Variants in WDR72 observed in about 807,000 individuals in gnomAD.
WDR72 encodes the protein WD repeat-containing protein 72.
In WDR72, 120 loss-of-function variants were observed where a neutral mutation model predicts 124.2. The ratio of observed to expected loss-of-function variants is 0.97; its 90% CI spans 0.83 to 1.12. The LOEUF is 1.12. Ranked by LOEUF, WDR72 falls within the 50% of genes most tolerant of loss-of-function variation. WDR72 has a pLI of 0.00. For missense variants in WDR72, 1,387 were observed against 1,278.8 expected, an observed-to-expected ratio of 1.08 and a Z score of -1.29; for synonymous variants, 452 against 441.7, an observed-to-expected ratio of 1.02 and a Z score of -0.29.
intron 9 of WDR72, among the ~76,000 whole-genome samples, chr15:53,707,660 AT>A (rs2017420551): frequency 6.6e-6 from 1 of 151,974 alleles, no homozygotes; most frequent in African/African-American, 2.4e-5. Context: ...GTTAGCCAGG[AT>A]GGTCTCAATC....
At chr15:53,694,943 T>C (rs971389698) in intron 13 of WDR72, among the ~76,000 whole-genome samples, 1 of 152,152 alleles carries the variant, frequency 6.6e-6, no homozygotes, top group Non-Finnish European at 1.5e-5. Flanking sequence ...TAAAGTTTTA[T>C]TGGAACACAG....
chr15:53,577,519 A>C (rs927507258), intron 18 of WDR72, among the ~76,000 whole-genome samples: 18 of 152,158 alleles, frequency 1.2e-4, no homozygotes, highest in Non-Finnish European at 2.2e-4. Context: ...AACCTTTTAG[A>C]AAACTGGCTG....
Position 53,663,101 on chromosome 15 carries a change from A to C in WDR72, c.1962+2471T>G, listed in dbSNP as rs912136726. On this transcript the variant is annotated intron_variant, in intron 14 of 19. Coordinates refer to ENST00000360509, the MANE Select transcript of WDR72 (RefSeq NM_182758.4). ...AAGACCCTGCCTCTAAAAATAAATA[A>C]ATAAATAAATAAATAAAACAATCTC... 1.9e-4 allele frequency among the ~76,000 whole-genome samples: 29 copies of C among 151,280 alleles called. 1 individual carries two copies. The highest frequency in any genetic ancestry group is 3.1e-4 in the Non-Finnish European group (21 of 67,874).
intron 14 of WDR72, among the ~76,000 whole-genome samples, chr15:53,635,005 A>G (rs1379227381): frequency 6.6e-6 from 1 of 152,060 alleles, no homozygotes. Flanking sequence ...GTAAGTTGAC[A>G]CTCTGCTTTT....
intron 18 of WDR72, among the ~76,000 whole-genome samples, chr15:53,586,061 T>A (rs2012196460): frequency 6.6e-6 from 1 of 152,060 alleles, no homozygotes; most frequent in African/African-American, 2.4e-5. Flanking sequence ...CCTCACTATT[T>A]TTACAACCTT....
At chr15:53,649,475 A>G (rs1336212892) in intron 14 of WDR72, among the ~76,000 whole-genome samples, 1 of 152,134 alleles carries the variant, frequency 6.6e-6, no homozygotes, top group African/African-American at 2.4e-5. Context: ...ACACTTTAAA[A>G]GAGGACCCTA....
rs1336662427 is a variant in WDR72, at chr15:53,515,958, A to G, written c.*1741T>C. The stretch of plus-strand genomic sequence containing the variant: ...GGACATACACTTATTTGATATTGCC[A>G]TCCTTCAAAATGCTTTTGGGAGTCC... On this transcript the variant is annotated 3_prime_UTR_variant, in exon 20 of 20. Transcript: ENST00000360509. The G allele has an allele frequency of 6.6e-6, 1 of 152,118 alleles. No homozygotes were observed. The highest frequency in any genetic ancestry group is 2.4e-5 in the African/African-American group (1 of 41,456). 9.4% of individuals were successfully genotyped at this position (152,118 alleles called of 1,614,324 possible). A position where few individuals can be genotyped will look rare whatever the true frequency, so the allele number is the denominator to read the frequency against.
chr15:53,659,745 C>T (rs2015547860), intron 14 of WDR72, among the ~76,000 whole-genome samples: 1 of 151,446 alleles, frequency 6.6e-6, no homozygotes, highest in South Asian at 2.1e-4. Flanking sequence ...TTTTATTTAA[C>T]TTACATTACA....
chr15:53,593,432 CTTAGT>C (rs2012608236), intron 18 of WDR72, among the ~76,000 whole-genome samples: 2 of 152,052 alleles, frequency 1.3e-5, no homozygotes, highest in South Asian at 4.2e-4. Flanking sequence ...TCTCTTAAGT[CTTAGT>C]TTATTCATTT....
At chr15:53,672,790 C>T (rs575920335) in intron 13 of WDR72, among the ~76,000 whole-genome samples, 1 of 152,240 alleles carries the variant, frequency 6.6e-6, no homozygotes, top group South Asian at 2.1e-4. Flanking sequence ...ATTTTATTTT[C>T]CTTGAAATTT....
chr15:53,529,260 AAAAAC>A (rs1280972164), intron 18 of WDR72, among the ~76,000 whole-genome samples: 2 of 151,328 alleles, frequency 1.3e-5, no homozygotes, highest in Non-Finnish European at 2.9e-5. Flanking sequence ...GTTAAAAACA[AAAAAC>A]AAAACAAAAC....
At chr15:53,689,921 A>G (rs979493979) in intron 13 of WDR72, among the ~76,000 whole-genome samples, 2 of 151,584 alleles carry the variant, frequency 1.3e-5, no homozygotes, top group African/African-American at 2.4e-5. Context: ...TTGTAGGGAC[A>G]TGGATGAAAT....
At chr15:53,754,883 G>A (rs946410122) in intron 1 of WDR72, among the ~76,000 whole-genome samples, 2 of 152,036 alleles carry the variant, frequency 1.3e-5, no homozygotes, top group African/African-American at 2.4e-5. Flanking sequence ...TTTTTCTCTG[G>A]ATTTCATTTT....
At chr15:53,640,533 AT>A (rs1352165174) in intron 14 of WDR72, among the ~76,000 whole-genome samples, 2 of 152,218 alleles carry the variant, frequency 1.3e-5, no homozygotes, top group African/African-American at 4.8e-5. Flanking sequence ...TAAAAATACA[AT>A]CATTGAACAC....
At chr15:53,762,374 C>T (rs1480421319), upstream of WDR72, among the ~76,000 whole-genome samples, 1 of 152,152 alleles carries the variant, frequency 6.6e-6, no homozygotes, top group East Asian at 1.9e-4. Context: ...ACCTTGCTTC[C>T]TCTGTCATTA....
At chr15:53,573,424 C>A (rs1894629867) in intron 18 of WDR72, among the ~76,000 whole-genome samples, 2 of 152,080 alleles carry the variant, frequency 1.3e-5, no homozygotes, top group Admixed American at 1.3e-4. Context: ...TATTCAAAGG[C>A]TAAAATTTTT....
intron 14 of WDR72, among the ~76,000 whole-genome samples, chr15:53,658,327 C>A (rs781696189): frequency 6.6e-5 from 10 of 152,060 alleles, no homozygotes; most frequent in Admixed American, 1.3e-4. Flanking sequence ...GAAACCCAAT[C>A]AAAAAATAGC....
chr15:53,613,461 T>C (rs919159717), intron 16 of WDR72, among the ~76,000 whole-genome samples: 57 of 152,100 alleles, frequency 3.7e-4, no homozygotes, highest in African/African-American at 1.3e-3. Flanking sequence ...TCACCCACCT[T>C]ATTTTCTAAA....
At chr15:53,593,130 A>G (rs941334836) in intron 18 of WDR72, among the ~76,000 whole-genome samples, 1 of 152,128 alleles carries the variant, frequency 6.6e-6, no homozygotes, top group African/African-American at 2.4e-5. Flanking sequence ...CCCTACAAAT[A>G]GTTCCAGACA....
Sources: gnomAD v4.1 joint callset for allele counts (sites outside exome capture counted in the v4.1 genomes callset) on GRCh38, gnomAD v4.1.1 for gene constraint, MANE v1.5 for transcripts, NCBI Gene and HGNC (gene_info 2026-07-23, HGNC 2026-07-21) for gene names.